The following RALYL variants were observed in gnomAD, a reference collection of about 807,000 sequenced individuals.
RALYL encodes the protein RNA-binding Raly-like protein.
Under a neutral mutation model 35.1 loss-of-function variants are expected in RALYL, and 29 were observed. The ratio of observed to expected loss-of-function variants is 0.83; its 90% CI spans 0.61 to 1.13. The LOEUF is 1.13. RALYL is among the 50% of genes most tolerant of loss of function. The probability of loss-of-function intolerance (pLI) is 0.00; values close to 1 mark genes in which losing one functional copy is unlikely to be tolerated. For missense variants in RALYL, 359 were observed against 360.4 expected, an observed-to-expected ratio of 1.00 and a Z score of 0.03; for synonymous variants, 120 against 127.6, an observed-to-expected ratio of 0.94 and a Z score of 0.40.
intron 1 of RALYL, among the ~76,000 whole-genome samples, chr8:84,343,894 T>G (rs575877261): frequency 0.013 from 1,899 of 150,570 alleles, 54 homozygotes; most frequent in African/African-American, 0.043. Flanking sequence ...GTTTGTTTTT[T>G]TTTTTAACAA....
At chr8:84,571,959 A>G (rs1184599218) in intron 2 of RALYL, among the ~76,000 whole-genome samples, 2 of 151,880 alleles carry the variant, frequency 1.3e-5, no homozygotes, top group African/African-American at 4.8e-5. Flanking sequence ...ATTTTATTCA[A>G]CTGTAGTCTG....
chr8:84,623,079 G>A (rs1286015822), intron 2 of RALYL, among the ~76,000 whole-genome samples: 1 of 152,126 alleles, frequency 6.6e-6, no homozygotes, highest in Non-Finnish European at 1.5e-5. Context: ...TCAATGCTAA[G>A]TTCTAACAAA....
chr8:84,473,873 G>A (rs1213058437), intron 1 of RALYL, among the ~76,000 whole-genome samples: 1 of 151,840 alleles, frequency 6.6e-6, no homozygotes, highest in Non-Finnish European at 1.5e-5. Flanking sequence ...TTGGTTATTA[G>A]TATTAATATT....
At chr8:84,567,135 T>C (rs1372870131) in intron 2 of RALYL, among the ~76,000 whole-genome samples, 2 of 151,844 alleles carry the variant, frequency 1.3e-5, no homozygotes, top group Non-Finnish European at 2.9e-5. Flanking sequence ...ATTCTGATCA[T>C]TAATCACTTA....
intron 1 of RALYL, among the ~76,000 whole-genome samples, chr8:84,381,351 C>T (rs1857957101): frequency 6.6e-6 from 1 of 151,734 alleles, no homozygotes; most frequent in Non-Finnish European, 1.5e-5. Flanking sequence ...TACCATTTCC[C>T]ATGTGGATAA....
At chr8:84,275,245 T>G (rs1835128574) in intron 1 of RALYL, among the ~76,000 whole-genome samples, 1 of 152,102 alleles carries the variant, frequency 6.6e-6, no homozygotes, top group African/African-American at 2.4e-5. Context: ...AATCTTAGCT[T>G]GCTATTTTTT....
At chr8:84,375,198 T>C (rs150183527) in intron 1 of RALYL, among the ~76,000 whole-genome samples, 5 of 152,024 alleles carry the variant, frequency 3.3e-5, no homozygotes, top group Non-Finnish European at 5.9e-5. Flanking sequence ...ACATCACTTA[T>C]ATATTTAGGT....
chr8:84,596,081 G>A (rs1814458078), intron 2 of RALYL, among the ~76,000 whole-genome samples: 2 of 152,072 alleles, frequency 1.3e-5, no homozygotes. Flanking sequence ...AAATGGACAA[G>A]AAATCAACTA....
chr8:84,714,949 A>G (rs1842740187), intron 2 of RALYL, among the ~76,000 whole-genome samples: 1 of 149,854 alleles, frequency 6.7e-6, no homozygotes, highest in South Asian at 2.1e-4. Context: ...TTTAGGATAT[A>G]TAAGGTTAAA....
chr8:84,636,553 T>C (rs1288425851), intron 2 of RALYL, among the ~76,000 whole-genome samples: 2 of 151,930 alleles, frequency 1.3e-5, no homozygotes, highest in East Asian at 3.9e-4. Context: ...TATCACTGTG[T>C]CCTCCATCTA....
chr8:84,906,091 T>TC (rs958816965), intron 8 of RALYL, among the ~76,000 whole-genome samples: 1 of 151,902 alleles, frequency 6.6e-6, no homozygotes, highest in Non-Finnish European at 1.5e-5. Flanking sequence ...TTAATAGACT[T>TC]TTCTGGGAAA....
At chr8:84,338,726 T>C (rs1443314120) in intron 1 of RALYL, among the ~76,000 whole-genome samples, 1 of 152,066 alleles carries the variant, frequency 6.6e-6, no homozygotes, top group African/African-American at 2.4e-5. Context: ...GAGTAAAGAG[T>C]TCTGATACTA....
At chr8:84,622,106 T>A (rs1421243391) in intron 2 of RALYL, among the ~76,000 whole-genome samples, 1 of 152,222 alleles carries the variant, frequency 6.6e-6, no homozygotes, top group East Asian at 1.9e-4. Context: ...GTATCAGTTA[T>A]AGAATTGAGA....
intron 1 of RALYL, among the ~76,000 whole-genome samples, chr8:84,220,637 A>G (rs1821976085): frequency 6.6e-6 from 1 of 152,022 alleles, no homozygotes; most frequent in Non-Finnish European, 1.5e-5. Flanking sequence ...ACCATTTGAA[A>G]CAACTTTTGA....
Position 84,412,405 on chromosome 8 carries a change from G to C in RALYL, c.-23-116894G>C, listed in dbSNP as rs976823189. The stretch of plus-strand genomic sequence containing the variant: ...AAAGTGTTATCTATGTTCTTTACGT[G>C]AAAGTTCACTTAGATTCTCTTTCTC... On this transcript the variant is annotated intron_variant, in intron 1 of 8. Transcript: ENST00000521268. Among the ~76,000 whole-genome samples, 3 of 151,842 alleles carry C rather than the reference G, an allele frequency of 2.0e-5. No individual in the cohort carries two copies. In the East Asian group the frequency reaches 5.8e-4, roughly 29 times the overall value.
chr8:84,899,112 C>A (rs1033558554), intron 8 of RALYL, among the ~76,000 whole-genome samples: 1 of 152,094 alleles, frequency 6.6e-6, no homozygotes, highest in African/African-American at 2.4e-5. Flanking sequence ...ATATGCTGTT[C>A]CCTCTGCCTG....
intron 2 of RALYL, among the ~76,000 whole-genome samples, chr8:84,651,240 A>G (rs1588761987): frequency 6.6e-6 from 1 of 151,858 alleles, no homozygotes; most frequent in Non-Finnish European, 1.5e-5. Context: ...AATTAAAAAA[A>G]TTAAAATAAA....
chr8:84,221,286 G>T lies in RALYL; in HGVS notation c.-24+36862G>T, dbSNP rs1056549051. 3.9e-4 allele frequency among the ~76,000 whole-genome samples: 59 copies of T among 150,682 alleles called. No homozygotes were observed. In the East Asian group the frequency reaches 0.011, roughly 27 times the overall value. ...TAATCTTATAAGAAAATGGAAAGCG[G>T]GTGTGTGTGTGTGTGTGCATGTGCG... On this transcript the variant is annotated intron_variant, in intron 1 of 8. Coordinates refer to ENST00000521268, the MANE Select transcript of RALYL (RefSeq NM_173848.7).
At chr8:84,636,593 G>A (rs897043810) in intron 2 of RALYL, among the ~76,000 whole-genome samples, 1 of 151,716 alleles carries the variant, frequency 6.6e-6, no homozygotes, top group Non-Finnish European at 1.5e-5. Context: ...ACTACCACAA[G>A]AATAACACCA....
Sources: gnomAD v4.1 joint callset for allele counts (sites outside exome capture counted in the v4.1 genomes callset) on GRCh38, gnomAD v4.1.1 for gene constraint, MANE v1.5 for transcripts, NCBI Gene and HGNC (gene_info 2026-07-23, HGNC 2026-07-21) for gene names.